CWH43: variants seen among roughly 807,000 people sequenced by gnomAD.
The protein encoded by CWH43 is PGAP2-interacting protein.
CWH43 carries 91 observed loss-of-function variants against 85.7 expected under a neutral mutation model. That is an observed-to-expected ratio of 1.06 (90% CI 0.90 to 1.26). The LOEUF is 1.26. CWH43 is among the 50% of genes most tolerant of loss of function. The pLI is 0.00. For missense variants in CWH43, 869 were observed against 839.2 expected (o/e 1.04, Z -0.44); for synonymous variants, 323 against 293.6 (o/e 1.10, Z -1.02).
chr4:49,007,420 A>C (rs1560492046), intron 8 of CWH43, 94 bp downstream of exon 8: 1 of 1,303,758 alleles, frequency 7.7e-7, no homozygotes, highest in East Asian at 2.8e-5. Context: ...TGTATCCTTC[A>C]TCCTGTTTCA....
At chr4:49,038,236 T>C (rs1488437164) in intron 13 of CWH43, 56 bp downstream of exon 13, 2 of 1,439,310 alleles carry the variant, frequency 1.4e-6, no homozygotes, top group African/African-American at 2.9e-5. Flanking sequence ...TCTTTTTCTT[T>C]CATGTTTTTA....
chr4:49,032,492 G>A (rs1784126862), intron 11 of CWH43, 74 bp from the exon 12 acceptor site: 4 of 1,538,368 alleles, frequency 2.6e-6, no homozygotes, highest in Non-Finnish European at 3.6e-6. Context: ...CCTTTTTAAT[G>A]CATTTGCTTA....
At chr4:48,990,239 A>C (rs9683541) in intron 2 of CWH43, among the ~76,000 whole-genome samples, 85,823 of 152,062 alleles carry the variant, frequency 0.56, 27,280 homozygotes, top group Middle Eastern at 0.74. Context: ...CCATGAAAAC[A>C]CATCCCCTTG....
intron 9 of CWH43, among the ~76,000 whole-genome samples, chr4:49,025,540 A>G (rs184039030): frequency 2.1e-4 from 32 of 152,336 alleles, no homozygotes; most frequent in African/African-American, 6.3e-4. Context: ...TTTCTCCCAT[A>G]GGGTGCTCCC....
chr4:48,998,821 A>C (rs867598172), intron 6 of CWH43, among the ~76,000 whole-genome samples: 1 of 152,136 alleles, frequency 6.6e-6, no homozygotes. Context: ...ACCTACTCCC[A>C]AAAATACATA....
chr4:48,988,867 T>C (rs956930919), intron 2 of CWH43, among the ~76,000 whole-genome samples, 199 bp downstream of exon 2: 10 of 152,214 alleles, frequency 6.6e-5, no homozygotes, highest in African/African-American at 2.4e-4. Flanking sequence ...CCATTGTTTT[T>C]TCCAGACTAG....
chr4:48,991,097 T>C (rs1475901074), intron 2 of CWH43, among the ~76,000 whole-genome samples: 1 of 151,768 alleles, frequency 6.6e-6, no homozygotes, highest in Non-Finnish European at 1.5e-5. Flanking sequence ...AGACAGAAAA[T>C]AGATTAGTGG....
At position 48,988,583 on chromosome 4, in the gene CWH43, T is replaced by C; in HGVS notation, c.150T>C (p.Leu50=). ...TTGAAGGTTTTAGTATAGCATTTCTTTCTCCAATATTCCTAACAATTACTC... is the reference window on the plus strand; with the variant it reads ...TTGAAGGTTTTAGTATAGCATTTCTCTCTCCAATATTCCTAACAATTACTC... ...TGLEGFSIAF[L]SPIFLTITPF... Residue 50 remains leucine (L), a synonymous_variant, in exon 2 of 16, where the codon CTT becomes CTC. Transcript: ENST00000226432. 1 of 1,613,634 alleles carries C rather than the reference T, an allele frequency of 6.2e-7. No individual in the cohort carries two copies. The highest frequency in any genetic ancestry group is 8.5e-7 in the Non-Finnish European group (1 of 1,179,550).
At chr4:49,023,104 C>G (rs182272648) in intron 9 of CWH43, among the ~76,000 whole-genome samples, 98 of 152,138 alleles carry the variant, frequency 6.4e-4, no homozygotes, top group African/African-American at 2.3e-3. Context: ...TCTTGTTTCT[C>G]TAGTTCCTTG....
At chr4:49,037,955 T>C in intron 12 of CWH43, 81 bp from the exon 13 acceptor site, 2 of 1,271,966 alleles carry the variant, frequency 1.6e-6, no homozygotes, top group Middle Eastern at 2.2e-4. Context: ...ATGCAGATAG[T>C]CTTTGGCAAC....
chr4:49,059,600 T>A (rs1357150726), intron 15 of CWH43, among the ~76,000 whole-genome samples: 2 of 152,230 alleles, frequency 1.3e-5, no homozygotes, highest in Non-Finnish European at 2.9e-5. Context: ...TGGCAGGGAA[T>A]GCCTTTACCA....
intron 14 of CWH43, among the ~76,000 whole-genome samples, chr4:49,049,333 G>T (rs568242194): frequency 8.5e-5 from 13 of 152,170 alleles, no homozygotes; most frequent in African/African-American, 3.1e-4. Flanking sequence ...ACAGGCATAG[G>T]CTTTGTTTTA....
intron 6 of CWH43, among the ~76,000 whole-genome samples, 176 bp downstream of exon 6, chr4:48,998,724 C>T (rs1455630455): frequency 6.6e-6 from 1 of 152,122 alleles, no homozygotes; most frequent in Non-Finnish European, 1.5e-5. Context: ...CGGTGACTAC[C>T]TGCTCTGAGT....
intron 8 of CWH43, among the ~76,000 whole-genome samples, chr4:49,014,867 T>C (rs1783489652): frequency 6.6e-6 from 1 of 152,100 alleles, no homozygotes. Context: ...TAAATGAACC[T>C]ACATTGATAC....
At chr4:48,991,780 T>A (rs1052021134) in intron 3 of CWH43, among the ~76,000 whole-genome samples, 156 bp from the exon 4 acceptor site, 5 of 152,198 alleles carry the variant, frequency 3.3e-5, no homozygotes, top group African/African-American at 1.2e-4. Context: ...TTATAGCAAG[T>A]TGCTGAAGTT....
intron 2 of CWH43, among the ~76,000 whole-genome samples, chr4:48,990,143 A>G (rs1170546922): frequency 6.6e-6 from 1 of 152,188 alleles, no homozygotes; most frequent in Non-Finnish European, 1.5e-5. Flanking sequence ...ACTTCTGGTG[A>G]TGGTAAGGGA....
At chr4:49,059,160 C>G (rs938564015) in intron 15 of CWH43, among the ~76,000 whole-genome samples, 62 of 152,044 alleles carry the variant, frequency 4.1e-4, no homozygotes, top group African/African-American at 1.5e-3. Context: ...ATTCTTTTTT[C>G]TATGACTCTG....
At chr4:49,005,297 C>T (rs1345053345) in intron 7 of CWH43, among the ~76,000 whole-genome samples, 1 of 152,058 alleles carries the variant, frequency 6.6e-6, no homozygotes, top group East Asian at 1.9e-4. Flanking sequence ...TTAGAGTATC[C>T]ATCACCCTGA....
chr4:49,008,322 T>C (rs2109768849), intron 8 of CWH43, among the ~76,000 whole-genome samples: 1 of 147,838 alleles, frequency 6.8e-6, no homozygotes, highest in Admixed American at 6.8e-5. Flanking sequence ...TGGAGTCGTT[T>C]GTTTTTTTTT....
Sources: gnomAD v4.1 joint callset for allele counts (sites outside exome capture counted in the v4.1 genomes callset) on GRCh38, gnomAD v4.1.1 for gene constraint, MANE v1.5 for transcripts, NCBI Gene and HGNC (gene_info 2026-07-23, HGNC 2026-07-21) for gene names.